ELAVL4: variants seen among roughly 807,000 people sequenced by gnomAD.
ELAVL4 encodes ELAV like RNA binding protein 4, also known as ELAV-like protein 4.
In ELAVL4, 1 loss-of-function variant was observed where a neutral mutation model predicts 35.6. The ratio of observed to expected loss-of-function variants is 0.03; its 90% confidence interval spans 0.01 to 0.13. The LOEUF (loss-of-function observed/expected upper bound fraction) is 0.13. Ranked by LOEUF, ELAVL4 falls within the 10% of genes least tolerant of loss-of-function variation. ELAVL4 has a pLI of 1.00. For synonymous variants in ELAVL4, 156 were observed against 171.0 expected (o/e 0.91, Z 0.69); for missense variants, 267 against 464.9 (o/e 0.57, Z 3.91).
chr1:50,112,677 A>T (rs1255576899), intron 1 of ELAVL4, among the ~76,000 whole-genome samples: 1 of 152,170 alleles, frequency 6.6e-6, no homozygotes, highest in Non-Finnish European at 1.5e-5. Flanking sequence ...TTGTTGATTT[A>T]CAAGACAATT....
At chr1:50,134,421 A>G (rs969893317) in intron 1 of ELAVL4, among the ~76,000 whole-genome samples, 24 of 152,308 alleles carry the variant, frequency 1.6e-4, no homozygotes, top group African/African-American at 5.8e-4. Context: ...TTCCCATCAC[A>G]ACTGGTTCCC....
At position 50,201,560 on chromosome 1, in the gene ELAVL4, A is replaced by G. The variant is rs1411056928; in HGVS notation, c.*382A>G. The G allele has an allele frequency of 6.5e-6, 1 of 153,256 alleles. No individual in the cohort carries two copies. The allele number at this position is 153,256 out of a possible 1,614,324, so 9.5% of individuals were successfully genotyped here. On this transcript the variant is annotated 3_prime_UTR_variant, in exon 7 of 7. Transcript: ENST00000371824. The surrounding 1 kb of genome is among the most constrained non-coding windows in gnomAD (Gnocchi z 4.3). ...TTAAGATGACCATTCGCTCATTTGAAGAAGAAAAACAAAAAACAAAAAAAA... is the reference window on the plus strand; with the variant it reads ...TTAAGATGACCATTCGCTCATTTGAGGAAGAAAAACAAAAAACAAAAAAAA...
intron 1 of ELAVL4, among the ~76,000 whole-genome samples, chr1:50,089,790 C>T (rs959438492): frequency 9.2e-5 from 14 of 152,112 alleles, no homozygotes; most frequent in African/African-American, 3.4e-4. Context: ...AACCATCTTT[C>T]TAACCCTTTC....
rs553688550 is a variant in ELAVL4, at chr1:50,092,767, G to T, written c.18+44585G>T. Among the ~76,000 whole-genome samples, 3 of 152,216 alleles carry T rather than the reference G, an allele frequency of 2.0e-5. No homozygotes were observed. In the South Asian group the frequency reaches 6.2e-4, roughly 32 times the overall value. ...ATGAGCAGGATGTAGCACCATGAGA[G>T]GAAAAATATATGGACTTTAGTTCAG... On this transcript the variant is annotated intron_variant, in intron 1 of 6. Coordinates refer to the ELAVL4 transcript ENST00000448907.
chr1:50,197,691 G>T, intron 6 of ELAVL4: 2 of 444,978 alleles, frequency 4.5e-6, no homozygotes, highest in Non-Finnish European at 7.8e-6. Flanking sequence ...TTATTTGCAG[G>T]TGGGCTTCTC....
intron 3 of ELAVL4, among the ~76,000 whole-genome samples, chr1:50,189,073 C>T (rs1682269230): frequency 6.6e-6 from 1 of 152,154 alleles, no homozygotes; most frequent in Non-Finnish European, 1.5e-5. Context: ...CTTCTAATGC[C>T]AGTGTTTTTC....
chr1:50,102,419 TCTCCC>T (rs1557702729), upstream of ELAVL4, among the ~76,000 whole-genome samples: 2 of 151,922 alleles, frequency 1.3e-5, no homozygotes, highest in African/African-American at 4.8e-5. Context: ...CTCCTCCCTT[TCTCCC>T]CTCCCCTCCT....
chr1:50,109,841 C>T, intron 1 of ELAVL4: 1 of 1,521,366 alleles, frequency 6.6e-7, no homozygotes, highest in South Asian at 1.2e-5. Flanking sequence ...TTGCTTCCTT[C>T]TCTGGGCAGC....
At chr1:50,048,765 A>G in intron 1 of ELAVL4, among the ~76,000 whole-genome samples, 1 of 152,120 alleles carries the variant, frequency 6.6e-6, no homozygotes, top group East Asian at 1.9e-4. Context: ...GGACTTGGGT[A>G]TTTCTAGACG....
intron 1 of ELAVL4, among the ~76,000 whole-genome samples, chr1:50,068,693 C>G (rs1664378169): frequency 6.6e-6 from 1 of 152,202 alleles, no homozygotes; most frequent in Admixed American, 6.5e-5. Flanking sequence ...TGATTAAGAA[C>G]TGATTTTTGA....
intron 1 of ELAVL4, among the ~76,000 whole-genome samples, chr1:50,062,544 G>A (rs1448258692): frequency 1.3e-5 from 2 of 152,154 alleles, no homozygotes; most frequent in African/African-American, 4.8e-5. Context: ...TGTGCTCAGT[G>A]CTACTTCATG....
chr1:50,076,542 G>A (rs1664774260), intron 1 of ELAVL4, among the ~76,000 whole-genome samples: 1 of 152,186 alleles, frequency 6.6e-6, no homozygotes, highest in South Asian at 2.1e-4. Flanking sequence ...GGCATCCACT[G>A]AAGGTGTTGG....
intron 3 of ELAVL4, among the ~76,000 whole-genome samples, chr1:50,192,793 T>C (rs1459417028): frequency 6.6e-6 from 1 of 152,208 alleles, no homozygotes; most frequent in Non-Finnish European, 1.5e-5. Flanking sequence ...AAATGTCTGA[T>C]GTTGTTTTCT....
At chr1:50,106,462 CTTGAGTGAGA>C (rs1466375142), upstream of ELAVL4, 1 of 1,245,798 alleles carries the variant, frequency 8.0e-7, no homozygotes, top group East Asian at 2.4e-5. Context: ...GCCTTAGCTG[CTTGAGTGAGA>C]CAAGTTTCTT....
intron 1 of ELAVL4, among the ~76,000 whole-genome samples, chr1:50,049,600 G>C (rs923454334): frequency 6.6e-6 from 1 of 152,118 alleles, no homozygotes; most frequent in African/African-American, 2.4e-5. Flanking sequence ...ACAATGCTGC[G>C]CGGCACCTCT....
Position 50,177,158 on chromosome 1 carries a change from T to C in ELAVL4, c.320T>C (p.Leu107Ser), listed in dbSNP as rs940845628. Residue 107 changes from leucine (L) to serine (S), a missense_variant, in exon 3 of 7, where the codon TTA (leucine) becomes TCA (serine). Physicochemically the swap from Leu to Ser is moderately radical, Grantham distance 145. Transcript: ENST00000371824. ...PKDAEKAINT[L>S]NGLRLQTKTI... ...GATGCAGAGAAAGCCATCAACACTT[T>C]AAATGGACTCAGACTCCAGACCAAA... 6.2e-7 allele frequency: 1 copy of C among 1,613,882 alleles called. No homozygotes were observed. The highest frequency in any genetic ancestry group is 1.3e-5 in the African/African-American group (1 of 74,910).
chr1:50,077,016 G>GTTTCTCT (rs1557689348), intron 1 of ELAVL4, among the ~76,000 whole-genome samples: 3 of 151,728 alleles, frequency 2.0e-5, no homozygotes, highest in African/African-American at 7.3e-5. Flanking sequence ...CAAAGTAAAT[G>GTTTCTCT]GGATGTTTCT....
chr1:50,134,050 GA>G (rs1671487337), intron 1 of ELAVL4, among the ~76,000 whole-genome samples: 1 of 152,042 alleles, frequency 6.6e-6, no homozygotes, highest in African/African-American at 2.4e-5. Context: ...GTTATGTTAA[GA>G]AAACAAGTGT....
upstream of ELAVL4, chr1:50,103,976 A>G (rs370448606): frequency 2.2e-5 from 36 of 1,613,892 alleles, no homozygotes; most frequent in Non-Finnish European, 2.9e-5. Flanking sequence ...ACTGAAAATG[A>G]GCCGGCTACA....
Sources: gnomAD v4.1 joint callset for allele counts (sites outside exome capture counted in the v4.1 genomes callset) on GRCh38, gnomAD v4.1.1 for gene constraint, Gnocchi (gnomAD v3.1) non-coding constraint, MANE v1.5 for transcripts, NCBI Gene and HGNC (gene_info 2026-07-23, HGNC 2026-07-21) for gene names.